Variants in EPHB1 observed in about 807,000 individuals in gnomAD.
EPHB1 encodes ephrin type-B receptor 1.
EPHB1 carries 30 observed loss-of-function variants against 94.4 expected under a neutral mutation model. The observed-to-expected ratio is 0.32, with a 90% CI of 0.24 to 0.43. EPHB1 has a LOEUF of 0.43. Ranked by LOEUF, EPHB1 falls within the 20% of genes least tolerant of loss-of-function variation. The pLI, the probability that EPHB1 is intolerant of heterozygous loss-of-function variation, is 1.00. For synonymous variants in EPHB1, 522 were observed against 489.1 expected (o/e 1.07, Z -0.89); for missense variants, 1,055 against 1,308.3 (o/e 0.81, Z 2.99).
At chr3:134,883,216 A>G (rs1430942253) in intron 1 of EPHB1, among the ~76,000 whole-genome samples, 1 of 152,222 alleles carries the variant, frequency 6.6e-6, no homozygotes, top group Non-Finnish European at 1.5e-5. Flanking sequence ...AAGAAGGCAA[A>G]AGAAACCATT....
chr3:134,930,070 G>A (rs2107704260), intron 2 of EPHB1, among the ~76,000 whole-genome samples: 1 of 152,274 alleles, frequency 6.6e-6, no homozygotes, highest in South Asian at 2.1e-4. Context: ...GTGCTGCCAG[G>A]GGCCCAGCTG....
At chr3:134,859,996 G>A (rs1392331491) in intron 1 of EPHB1, among the ~76,000 whole-genome samples, 2 of 151,850 alleles carry the variant, frequency 1.3e-5, no homozygotes, top group Non-Finnish European at 2.9e-5. Flanking sequence ...CCCCAGTTTT[G>A]TGAAACTGGA....
chr3:135,234,741 G>A (rs1193527106), intron 12 of EPHB1, among the ~76,000 whole-genome samples: 1 of 152,166 alleles, frequency 6.6e-6, no homozygotes, highest in Non-Finnish European at 1.5e-5. Context: ...AAGGAGAAGT[G>A]CTGAGCAAAA....
intron 5 of EPHB1, among the ~76,000 whole-genome samples, chr3:135,134,686 T>C (rs1285261048): frequency 6.6e-6 from 1 of 152,254 alleles, no homozygotes; most frequent in Non-Finnish European, 1.5e-5. Context: ...CTGCATTATG[T>C]TAAGCATGTA....
intron 1 of EPHB1, among the ~76,000 whole-genome samples, chr3:134,801,322 C>G (rs2035931182): frequency 6.6e-6 from 1 of 152,210 alleles, no homozygotes; most frequent in South Asian, 2.1e-4. Flanking sequence ...ATTCGTTCCT[C>G]TCTCTGCCCT....
intron 3 of EPHB1, among the ~76,000 whole-genome samples, chr3:135,078,747 A>T (rs1292519370): frequency 6.6e-6 from 1 of 152,252 alleles, no homozygotes; most frequent in Non-Finnish European, 1.5e-5. Flanking sequence ...GGCCTAAAAA[A>T]TTCCAGTGAC....
At chr3:135,252,246 C>G (rs35844472) in intron 15 of EPHB1, among the ~76,000 whole-genome samples, 17,369 of 150,092 alleles carry the variant, frequency 0.12, 1,143 homozygotes, top group Middle Eastern at 0.21. Context: ...TTAAGTTTTA[C>G]GGTACATGTG....
chr3:135,098,570 A>T (rs1938897915), intron 3 of EPHB1, among the ~76,000 whole-genome samples: 1 of 152,078 alleles, frequency 6.6e-6, no homozygotes, highest in South Asian at 2.1e-4. Flanking sequence ...TAACACTGTG[A>T]TGAACATCAA....
In EPHB1 at chr3:134,816,963, C is replaced by A. The variant is rs2036285089; in HGVS notation, c.58+21274C>A. ...CAGAGCAAGGAAAGGGCCTGTGGAC[C>A]ACTGCTGCCTTCTCTGCCGTCTCCA... On this transcript the variant is annotated intron_variant, in intron 1 of 15. Transcript: ENST00000398015. 2.0e-5 allele frequency among the ~76,000 whole-genome samples: 3 copies of A among 152,044 alleles called. No individual in the cohort carries two copies. The South Asian group carries it at 6.2e-4, about 32-fold the overall frequency.
In EPHB1 at chr3:134,903,702, G is replaced by A. The variant is rs2038253854; in HGVS notation, c.59-22114G>A. 2.6e-5 allele frequency among the ~76,000 whole-genome samples: 4 copies of A among 152,036 alleles called. No individual in the cohort carries two copies. In the South Asian group the frequency reaches 8.3e-4, roughly 32 times the overall value. On this transcript the variant is annotated intron_variant, in intron 1 of 15. Coordinates refer to ENST00000398015, the MANE Select transcript of EPHB1 (RefSeq NM_004441.5). ...AATGATGGGGCCTTGGTAAATGGAG[G>A]GACCAAAGGTAAGAATTCTATCAAA...
At chr3:135,090,434 T>G (rs181169541) in intron 3 of EPHB1, among the ~76,000 whole-genome samples, 1 of 152,400 alleles carries the variant, frequency 6.6e-6, no homozygotes, top group Admixed American at 6.5e-5. Flanking sequence ...TAACTCTTAC[T>G]TGGAGAATCT....
At chr3:135,151,291 A>G (rs551973934) in intron 5 of EPHB1, among the ~76,000 whole-genome samples, 4 of 152,078 alleles carry the variant, frequency 2.6e-5, no homozygotes, top group Non-Finnish European at 5.9e-5. Context: ...AGTGTCCCTC[A>G]GGGTCCTGCC....
chr3:134,944,396 T>C (rs1240380915), intron 2 of EPHB1, among the ~76,000 whole-genome samples: 2 of 152,222 alleles, frequency 1.3e-5, no homozygotes, highest in African/African-American at 4.8e-5. Flanking sequence ...AGGTGACATA[T>C]TAAAGAGTCC....
At chr3:135,015,228 C>G (rs1935755457) in intron 3 of EPHB1, among the ~76,000 whole-genome samples, 1 of 151,870 alleles carries the variant, frequency 6.6e-6, no homozygotes, top group Non-Finnish European at 1.5e-5. Flanking sequence ...TCAGTGCTGT[C>G]CAGTTGTCCA....
rs183099320 is a variant in EPHB1 at position 134,967,821 on chromosome 3, T to A, written c.805+15769T>A. Among the ~76,000 whole-genome samples the A allele has an allele frequency of 3.8e-3, 579 of 152,216 alleles. 3 individuals are homozygous for A. Among genetic ancestry groups the A allele is most frequent in the Non-Finnish European group, 6.1e-3 (416 of 67,998 alleles). ...TTTCACTGGTGACTTTTTAAGGTGA[T>A]GGATGCACATGAGAAGAATATCCCA... is the stretch of plus-strand genomic sequence containing the variant. On this transcript the variant is annotated intron_variant, in intron 3 of 15. Transcript: ENST00000398015.
chr3:135,212,836 C>A (rs992803470), intron 12 of EPHB1, among the ~76,000 whole-genome samples: 1 of 151,998 alleles, frequency 6.6e-6, no homozygotes, highest in Non-Finnish European at 1.5e-5. Flanking sequence ...TTTCTTTTTC[C>A]TTCTCTTGTG....
At chr3:135,035,455 A>G (rs537857188) in intron 3 of EPHB1, among the ~76,000 whole-genome samples, 2 of 152,334 alleles carry the variant, frequency 1.3e-5, no homozygotes, top group South Asian at 4.1e-4. Flanking sequence ...CAATAATTAC[A>G]TGCAATGGTA....
intron 3 of EPHB1, among the ~76,000 whole-genome samples, chr3:135,031,669 C>T (rs1223895074): frequency 9.2e-5 from 14 of 152,086 alleles, no homozygotes; most frequent in Admixed American, 3.3e-4. Flanking sequence ...TTTTCTTGTA[C>T]TTTTTTCCAC....
In EPHB1 at chr3:135,068,653, T is replaced by A. The variant is rs904889546; in HGVS notation, c.806-37795T>A. On this transcript the variant is annotated intron_variant, in intron 3 of 15. Transcript: ENST00000398015. ...TGAGGCACAGAAGTTTTTAATTTTT[T>A]TTTTTTTGTTTTTGAGACTGAGTCT... Among the ~76,000 whole-genome samples the A allele has an allele frequency of 3.3e-5, 5 of 149,336 alleles. No individual in the cohort carries two copies. In the East Asian group the frequency reaches 7.8e-4, roughly 23 times the overall value.
Sources: gnomAD v4.1 joint callset for allele counts (sites outside exome capture counted in the v4.1 genomes callset) on GRCh38, gnomAD v4.1.1 for gene constraint, MANE v1.5 for transcripts, NCBI Gene and HGNC (gene_info 2026-07-23, HGNC 2026-07-21) for gene names.